TENM2: variants seen among roughly 807,000 people sequenced by gnomAD.
The protein encoded by TENM2 is teneurin-2.
In TENM2, 52 loss-of-function variants were observed where a neutral mutation model predicts 245.2. That is an observed-to-expected ratio of 0.21 (90% CI 0.17 to 0.27). The LOEUF (loss-of-function observed/expected upper bound fraction) is 0.27, where lower values mean the gene tolerates loss of function less well. TENM2 is among the 10% of genes least tolerant of loss of function. The pLI, the probability that TENM2 is intolerant of heterozygous loss-of-function variation, is 1.00. For missense variants in TENM2, 3,046 were observed against 3,666.8 expected, an observed-to-expected ratio of 0.83 and a Z score of 4.37; for synonymous variants, 1,363 against 1,438.9, an observed-to-expected ratio of 0.95 and a Z score of 1.19.
chr5:167,192,699 A>G, the TENM2 span, among the ~76,000 whole-genome samples: 2 of 152,058 alleles, frequency 1.3e-5, no homozygotes, highest in South Asian at 2.1e-4. Flanking sequence ...ATGGAACCCA[A>G]TTCTCCTCTG....
At chr5:167,872,538 AAGAAAGAAAGAG>A (rs1561881546) in intron 2 of TENM2, among the ~76,000 whole-genome samples, 7 of 48,564 alleles carry the variant, frequency 1.4e-4, no homozygotes, top group East Asian at 4.0e-4. Flanking sequence ...GAAAGAAAGA[AAGAAAGAAAGAG>A]AAAGAAAGAA....
Position 167,620,549 on chromosome 5 carries a change from C to CTTTTTTTTTTTTTTTTTTT in TENM2, c.502+245080_502+245098dup, listed in dbSNP as rs11455974. 4.1e-5 allele frequency among the ~76,000 whole-genome samples: 3 copies of CTTTTTTTTTTTTTTTTTTT among 73,314 alleles called. 1 individual carries two copies. Among genetic ancestry groups the CTTTTTTTTTTTTTTTTTTT allele is most frequent in the African/African-American group, 5.3e-5 (1 of 19,032 alleles). 48.1% of individuals were successfully genotyped at this position (73,314 alleles called of 152,430 possible). ...TGTTGGCTAAAACTTTGCTTTTTGG[C>CTTTTTTTTTTTTTTTTTTT]TTTTTTTTTTTTTTTTTTTTTTCAA... On this transcript the variant is annotated intron_variant, in intron 2 of 28. Transcript: ENST00000518659.
intron 2 of TENM2, among the ~76,000 whole-genome samples, chr5:167,568,663 G>A (rs6896487): frequency 1.4e-5 from 2 of 142,646 alleles, no homozygotes; most frequent in African/African-American, 5.6e-5. Context: ...GTGTGTGTGT[G>A]TGTGTGTGTG....
chr5:167,894,926 G>GA (rs1775056721), intron 3 of TENM2, among the ~76,000 whole-genome samples: 1 of 9,812 alleles, frequency 1.0e-4, no homozygotes, highest in Non-Finnish European at 2.3e-4. Flanking sequence ...TGGAAAGAAG[G>GA]AAGGAAGGAA....
the TENM2 span, among the ~76,000 whole-genome samples, chr5:167,039,622 A>AAAT: frequency 6.6e-6 from 1 of 151,672 alleles, no homozygotes; most frequent in Admixed American, 6.6e-5. Flanking sequence ...AACAAAAAAA[A>AAAT]ATGTTGCAGT....
chr5:168,148,736 C>A (rs1756339185), intron 12 of TENM2, among the ~76,000 whole-genome samples: 1 of 151,962 alleles, frequency 6.6e-6, no homozygotes, highest in African/African-American at 2.4e-5. Context: ...GTAAAAAGTG[C>A]CATAAAACAA....
chr5:167,879,783 C>T (rs2151402694), intron 3 of TENM2, among the ~76,000 whole-genome samples: 1 of 152,192 alleles, frequency 6.6e-6, no homozygotes, highest in Middle Eastern at 3.4e-3. Flanking sequence ...CTTGGTAGAT[C>T]TTATGTGGCA....
intron 20 of TENM2, among the ~76,000 whole-genome samples, chr5:168,212,218 T>G (rs2152554910): frequency 6.6e-6 from 1 of 152,268 alleles, no homozygotes; most frequent in East Asian, 1.9e-4. Flanking sequence ...GCCAATCTGC[T>G]GATCAGAATG....
the TENM2 span, among the ~76,000 whole-genome samples, chr5:167,206,567 T>C: frequency 6.6e-6 from 1 of 152,206 alleles, no homozygotes; most frequent in African/African-American, 2.4e-5. Context: ...CATTGAGCAA[T>C]CTCACATAAA....
the TENM2 span, among the ~76,000 whole-genome samples, chr5:167,094,477 A>G: frequency 6.6e-6 from 1 of 152,192 alleles, no homozygotes; most frequent in South Asian, 2.1e-4. Context: ...TGTTGTGTGA[A>G]TCAATTGTTT....
intron 12 of TENM2, chr5:168,149,443 G>A: frequency 2.2e-6 from 1 of 457,124 alleles, no homozygotes; most frequent in South Asian, 1.5e-5. Context: ...GGGGAGTGCT[G>A]TTTATAGACT....
intron 23 of TENM2, among the ~76,000 whole-genome samples, chr5:168,221,289 T>C (rs1562298170): frequency 6.6e-6 from 1 of 152,116 alleles, no homozygotes; most frequent in Non-Finnish European, 1.5e-5. Flanking sequence ...AAGCCATTTA[T>C]CTGCCGTGTT....
In TENM2 at chr5:168,218,437, G is replaced by A; in HGVS notation, c.4546G>A (p.Ala1516Thr). ...CGGGGAGATCTGCCTTTTAGCTGGGGCAGCCTCGGACTGCGACTGCAAAAA... is the reference window on the plus strand; with the variant it reads ...CGGGGAGATCTGCCTTTTAGCTGGGACAGCCTCGGACTGCGACTGCAAAAA... Residue 1516 changes from alanine (A) to threonine (T), a missense_variant, in exon 23 of 29, where the codon GCA (alanine) becomes ACA (threonine). By Grantham distance (58) the Ala-to-Thr change is moderately conservative. This residue lies in a region of TENM2 where 2,704 missense variants were observed against 3,331.9 expected (regional missense o/e 0.81). Coordinates refer to ENST00000518659, the Ensembl canonical transcript of TENM2. The surrounding 1 kb of genome is among the most constrained non-coding windows in gnomAD (Gnocchi z 5.2). 2 of 1,614,022 alleles carry A rather than the reference G, an allele frequency of 1.2e-6. No individual in the cohort carries two copies. Among genetic ancestry groups the A allele is most frequent in the Non-Finnish European group, 1.7e-6 (2 of 1,179,900 alleles).
chr5:167,492,864 C>G (rs774328830), intron 2 of TENM2, among the ~76,000 whole-genome samples: 1 of 151,972 alleles, frequency 6.6e-6, no homozygotes, highest in African/African-American at 2.4e-5. Flanking sequence ...AAAGGAATGG[C>G]TCACCCTGAA....
intron 4 of TENM2, among the ~76,000 whole-genome samples, chr5:167,985,450 T>C (rs916237194): frequency 2.6e-5 from 4 of 152,168 alleles, no homozygotes; most frequent in African/African-American, 9.6e-5. Flanking sequence ...GTTGAGACCA[T>C]TTAAGACTTT....
At chr5:167,330,816 G>A (rs889266123) in intron 1 of TENM2, among the ~76,000 whole-genome samples, 24 of 152,136 alleles carry the variant, frequency 1.6e-4, no homozygotes, top group African/African-American at 5.6e-4. Flanking sequence ...TATGTTTGTA[G>A]CTTATTCCTC....
At chr5:167,720,314 A>G (rs1025260560) in intron 2 of TENM2, among the ~76,000 whole-genome samples, 1 of 152,238 alleles carries the variant, frequency 6.6e-6, no homozygotes, top group Non-Finnish European at 1.5e-5. Context: ...AGCCATGCAT[A>G]TGAAAAAAAT....
At chr5:167,038,181 G>A in the TENM2 span, among the ~76,000 whole-genome samples, 9 of 152,178 alleles carry the variant, frequency 5.9e-5, no homozygotes, top group Admixed American at 1.3e-4. Flanking sequence ...GGCAAAGGGC[G>A]CAGGAGAAAA....
At chr5:167,457,292 ATTTT>A (rs1765982895) in intron 2 of TENM2, among the ~76,000 whole-genome samples, 2 of 23,358 alleles carry the variant, frequency 8.6e-5, no homozygotes, top group African/African-American at 7.0e-4. Context: ...TTTTTATTTT[ATTTT>A]ATTTTATTTT....
Sources: allele counts gnomAD v4.1 joint callset (sites outside exome capture counted in the v4.1 genomes callset), GRCh38; gene constraint gnomAD v4.1.1; regional missense constraint gnomAD v4.1.1; non-coding constraint Gnocchi (gnomAD v3.1); transcripts MANE v1.5; gene names NCBI Gene and HGNC (gene_info 2026-07-23, HGNC 2026-07-21).